The following COL22A1 variants were observed in gnomAD, a reference collection of about 807,000 sequenced individuals.
COL22A1 encodes collagen type XXII alpha 1 chain.
Under a neutral mutation model 248.9 loss-of-function variants are expected in COL22A1, and 221 were observed. The ratio of observed to expected loss-of-function variants is 0.89; its 90% CI spans 0.80 to 0.99. The LOEUF (loss-of-function observed/expected upper bound fraction) is 0.99. Among genes scored for constraint, COL22A1 ranks in the 50% least tolerant of loss-of-function variants. The probability of loss-of-function intolerance (pLI) is 0.00; values close to 1 mark genes in which losing one functional copy is unlikely to be tolerated. For synonymous variants in COL22A1, 891 were observed against 793.4 expected (o/e 1.12, Z -2.07); for missense variants, 2,240 against 2,179.0 (o/e 1.03, Z -0.56).
chr8:138,763,041 C>G (rs1194146604), intron 16 of COL22A1, among the ~76,000 whole-genome samples: 1 of 152,104 alleles, frequency 6.6e-6, no homozygotes, highest in Non-Finnish European at 1.5e-5. Context: ...TTTGATTACC[C>G]TGGGGATGAT....
chr8:138,753,257 TGTGA>T (rs1327974825), intron 21 of COL22A1, among the ~76,000 whole-genome samples: 1 of 152,212 alleles, frequency 6.6e-6, no homozygotes, highest in Non-Finnish European at 1.5e-5. Context: ...GTTCCCACCA[TGTGA>T]TAAACCCTGT....
chr8:138,589,507 C>G, intron 64 of COL22A1, 67 bp from the exon 65 acceptor site: 1 of 1,269,202 alleles, frequency 7.9e-7, no homozygotes, highest in Admixed American at 3.2e-5. Flanking sequence ...GGGCCCTGAA[C>G]TCACAGCTTC....
chr8:138,733,773 G>A (rs1409311692), intron 23 of COL22A1, among the ~76,000 whole-genome samples: 1 of 152,098 alleles, frequency 6.6e-6, no homozygotes, highest in Non-Finnish European at 1.5e-5. Flanking sequence ...ACATCTTGAG[G>A]CCTTGTGGAT....
chr8:138,846,557 G>C (rs2131881221), intron 3 of COL22A1, among the ~76,000 whole-genome samples: 1 of 152,312 alleles, frequency 6.6e-6, no homozygotes, highest in East Asian at 1.9e-4. Context: ...GCAGTTTATA[G>C]TTGAGTTGGT....
At chr8:138,909,167 ATTTTG>A (rs1424143135) in intron 1 of COL22A1, among the ~76,000 whole-genome samples, 2 of 152,306 alleles carry the variant, frequency 1.3e-5, no homozygotes, top group African/African-American at 4.8e-5. Flanking sequence ...CTTGTGTTTT[ATTTTG>A]TTTTATTATA....
Position 138,793,194 on chromosome 8 carries a change from G to A in COL22A1, c.1596+3625C>T, listed in dbSNP as rs115645806. Reference sequence around the variant, plus strand: ...CCCTCAAACTCAATCCAACCTATGCGTCAATTACTTTGGAGACAACGGTCA... The same window carrying A: ...CCCTCAAACTCAATCCAACCTATGCATCAATTACTTTGGAGACAACGGTCA... On this transcript the variant is annotated intron_variant, in intron 12 of 64. Transcript: ENST00000303045. Among the ~76,000 whole-genome samples the A allele has an allele frequency of 4.9e-4, 74 of 152,258 alleles. 1 individual carries two copies. Among genetic ancestry groups the A allele is most frequent in the African/African-American group, 1.4e-3 (57 of 41,540 alleles).
chr8:138,661,257 A>G (rs55721420), intron 43 of COL22A1, among the ~76,000 whole-genome samples: 108,678 of 152,100 alleles, frequency 0.71, 40,822 homozygotes, highest in Non-Finnish European at 0.84. Flanking sequence ...AAGCAGGAAT[A>G]AGACAGTAAC....
At chr8:138,665,064 C>T (rs62527899) in intron 41 of COL22A1, among the ~76,000 whole-genome samples, 3 of 152,104 alleles carry the variant, frequency 2.0e-5, no homozygotes, top group Non-Finnish European at 2.9e-5. Flanking sequence ...TCAGGGGTAA[C>T]CTAAAAGCCT....
At chr8:138,829,424 T>TTTTTTTG (rs1819858597) in intron 5 of COL22A1, among the ~76,000 whole-genome samples, 1 of 147,814 alleles carries the variant, frequency 6.8e-6, no homozygotes, top group Non-Finnish European at 1.5e-5. Flanking sequence ...TTTTTTTTTT[T>TTTTTTTG]GAGACAGAGT....
At chr8:138,856,882 C>T (rs1822071381) in intron 3 of COL22A1, among the ~76,000 whole-genome samples, 1 of 152,142 alleles carries the variant, frequency 6.6e-6, no homozygotes, top group South Asian at 2.1e-4. Context: ...GATAGGCCTG[C>T]CCTGGGCTCC....
At chr8:138,776,378 C>T (rs991698488) in intron 15 of COL22A1, among the ~76,000 whole-genome samples, 5 of 152,132 alleles carry the variant, frequency 3.3e-5, no homozygotes, top group African/African-American at 1.2e-4. Context: ...TCTGTGATAC[C>T]CCATGACCAT....
At chr8:138,616,889 C>T in intron 54 of COL22A1, 25 bp downstream of exon 54, 1 of 1,613,788 alleles carries the variant, frequency 6.2e-7, no homozygotes, top group Non-Finnish European at 8.5e-7. Flanking sequence ...CCTGGGGGGA[C>T]CTCCAAAGTG....
chr8:138,863,405 A>T (rs900453781), intron 3 of COL22A1, among the ~76,000 whole-genome samples: 1 of 152,126 alleles, frequency 6.6e-6, no homozygotes, highest in Admixed American at 6.6e-5. Flanking sequence ...TCAACTGTAC[A>T]TGACGCAGTG....
intron 11 of COL22A1, among the ~76,000 whole-genome samples, 194 bp downstream of exon 11, chr8:138,802,678 G>A (rs960360671): frequency 6.6e-6 from 1 of 152,136 alleles, no homozygotes; most frequent in Non-Finnish European, 1.5e-5. Flanking sequence ...TAGAGAGTCC[G>A]CCAAGACCAT....
At position 138,588,972 on chromosome 8, in the gene COL22A1, A is replaced by AC; in HGVS notation, c.*280dup. ...CTGCCCCACGAATCAAGTTTTCCCA[A>AC]CTTTAAAGGAGTGGAAAAGAACTCA... On this transcript the variant is annotated 3_prime_UTR_variant, in exon 65 of 65. Coordinates refer to ENST00000303045, the MANE Select transcript of COL22A1 (RefSeq NM_152888.3). 3.7e-6 allele frequency: 1 copy of AC among 268,000 alleles called. No individual in the cohort carries two copies. The highest frequency in any genetic ancestry group is 1.0e-4 in the South Asian group (1 of 9,854). The allele number at this position is 268,000 out of a possible 1,614,324, so 16.6% of individuals were successfully genotyped here.
intron 49 of COL22A1, among the ~76,000 whole-genome samples, chr8:138,631,729 T>A (rs1249604242): frequency 6.6e-6 from 1 of 152,016 alleles, no homozygotes; most frequent in Admixed American, 6.6e-5. Flanking sequence ...AGGTCTTAGC[T>A]CAGATATCAG....
At chr8:138,615,805 T>C (rs746215465) in intron 55 of COL22A1, among the ~76,000 whole-genome samples, 196 bp downstream of exon 55, 1 of 152,118 alleles carries the variant, frequency 6.6e-6, no homozygotes, top group Admixed American at 6.5e-5. Flanking sequence ...AGCTTCCTTA[T>C]CAACCATAAA....
chr8:138,724,631 C>T lies in COL22A1; in HGVS notation c.2231G>A (p.Gly744Glu), dbSNP rs1194439406. 1.9e-6 allele frequency: 3 copies of T among 1,614,010 alleles called. No individual in the cohort carries two copies. Among genetic ancestry groups the T allele is most frequent in the Admixed American group, 3.3e-5 (2 of 60,002 alleles). The change falls in exon 25 of 65, where the codon GGA becomes GAA. Residue 744 changes from glycine (G) to glutamate (E), a missense_variant. Physicochemically the swap from Gly to Glu is moderately conservative, Grantham distance 98 (BLOSUM62 -2). Coordinates refer to ENST00000303045, the MANE Select transcript of COL22A1 (RefSeq NM_152888.3). ...PGEIGFPGKP[G>E]PPGPTGPPGK... ...AACACTCACCGTGGGCCCAGGAGGT[C>T]CAGGCTTTCCCGGGAAGCCGATCTC...
Position 138,716,261 on chromosome 8 carries a change from C to T in COL22A1, c.2429G>A (p.Gly810Asp), listed in dbSNP as rs1360172706. The change falls in exon 29 of 65, where the codon GGC becomes GAC. Residue 810 changes from glycine (G) to aspartate (D), a missense_variant. Gly to Asp is a moderately conservative substitution (Grantham distance 94). Transcript: ENST00000303045. The part of the protein sequence containing the change: ...KGEAGLPGAP[G>D]FPGVRGEKGD... The stretch of plus-strand genomic sequence containing the variant: ...TTTCTCTCCTCTCACACCTGGGAAG[C>T]CTGGAGCCCCTGGGAGGCCTGCTTC... 2 of 1,592,848 alleles carry T rather than the reference C, an allele frequency of 1.3e-6. No individual in the cohort carries two copies. Among genetic ancestry groups the T allele is most frequent in the Non-Finnish European group, 1.7e-6 (2 of 1,167,972 alleles).
Sources: allele counts gnomAD v4.1 joint callset (sites outside exome capture counted in the v4.1 genomes callset), GRCh38; gene constraint gnomAD v4.1.1; transcripts MANE v1.5; gene names NCBI Gene and HGNC (gene_info 2026-07-23, HGNC 2026-07-21).